RAI14: variants seen among roughly 807,000 people sequenced by gnomAD.
RAI14 encodes retinoic acid induced 14, also known as ankycorbin.
Under a neutral mutation model 115.4 loss-of-function variants are expected in RAI14, and 45 were observed. The ratio of observed to expected loss-of-function variants is 0.39; its 90% CI spans 0.31 to 0.50. RAI14 has a LOEUF of 0.50. Among genes scored for constraint, RAI14 ranks in the 20% least tolerant of loss-of-function variants. The probability of loss-of-function intolerance (pLI) is 0.85; values close to 1 mark genes in which losing one functional copy is unlikely to be tolerated. For synonymous variants in RAI14, 371 were observed against 415.4 expected (o/e 0.89, Z 1.30); for missense variants, 939 against 1,131.2 (o/e 0.83, Z 2.44).
chr5:34,694,470 T>C (rs569169489), intron 2 of RAI14, among the ~76,000 whole-genome samples: 17 of 152,364 alleles, frequency 1.1e-4, no homozygotes, highest in African/African-American at 3.8e-4. Flanking sequence ...GACTTGGCTT[T>C]CTTTTTGTTT....
At chr5:34,682,375 A>G (rs570256779) in intron 1 of RAI14, among the ~76,000 whole-genome samples, 2 of 151,122 alleles carry the variant, frequency 1.3e-5, no homozygotes, top group Admixed American at 6.6e-5. Context: ...CCCCATATCC[A>G]TTGTAAGGGT....
At chr5:34,716,624 G>A (rs1384522461) in intron 2 of RAI14, among the ~76,000 whole-genome samples, 1 of 152,070 alleles carries the variant, frequency 6.6e-6, no homozygotes, top group African/African-American at 2.4e-5. Context: ...TGTTGGTCAG[G>A]TTGGTCTTGA....
intron 1 of RAI14, chr5:34,667,351 C>G (rs1743294909): frequency 2.6e-5 from 4 of 152,268 alleles, no homozygotes; most frequent in Admixed American, 2.6e-4. Context: ...AGTCCTCCCA[C>G]CTTAGCCTCC....
At chr5:34,719,321 G>A (rs1029607483) in intron 2 of RAI14, among the ~76,000 whole-genome samples, 1 of 152,190 alleles carries the variant, frequency 6.6e-6, no homozygotes, top group African/African-American at 2.4e-5. Context: ...AGAGCTAAAC[G>A]GAAACCTCAT....
intron 13 of RAI14, among the ~76,000 whole-genome samples, chr5:34,820,561 G>A (rs866010702): frequency 2.0e-5 from 3 of 152,158 alleles, no homozygotes; most frequent in Non-Finnish European, 4.4e-5. Context: ...GCAGTGAGCC[G>A]AGATCGTGCC....
intron 16 of RAI14, among the ~76,000 whole-genome samples, chr5:34,828,737 A>T (rs1296699073): frequency 6.6e-6 from 1 of 152,142 alleles, no homozygotes; most frequent in Non-Finnish European, 1.5e-5. Flanking sequence ...CACTGAGAGG[A>T]ACTGGAGTAA....
At chr5:34,734,737 C>A (rs1005535770) in intron 2 of RAI14, among the ~76,000 whole-genome samples, 26 of 151,932 alleles carry the variant, frequency 1.7e-4, no homozygotes, top group African/African-American at 5.8e-4. Flanking sequence ...TCTCGGCTCA[C>A]TGCAAGCTCC....
At chr5:34,740,858 G>A (rs889715909) in intron 2 of RAI14, among the ~76,000 whole-genome samples, 2 of 152,190 alleles carry the variant, frequency 1.3e-5, no homozygotes, top group African/African-American at 4.8e-5. Context: ...AGTGTAGGAA[G>A]GCTATAACAA....
At position 34,826,330 on chromosome 5, in the gene RAI14, A is replaced by G. The variant is rs776069910; in HGVS notation, c.2650A>G (p.Ile884Val). Reference protein sequence around the residue: ...SKLEEDKDKKINEMSKEVTKL... With the variant: ...SKLEEDKDKKVNEMSKEVTKL... ...TAATACCATTTTCCTTTGCCCCTAG[A>G]TAAATGAGATGTCGAAGGAAGTCAC... The change falls in exon 16 of 18, where the codon ATA becomes GTA. Residue 884 changes from isoleucine to valine, a missense_variant and splice_region_variant. Transcript: ENST00000265109. The G allele has an allele frequency of 1.9e-6, 3 of 1,613,538 alleles. No individual in the cohort carries two copies. The African/African-American group carries it at 4.0e-5, about 22-fold the overall frequency.
chr5:34,823,412 G>T lies in RAI14; in HGVS notation c.1570G>T (p.Glu524Ter). The T allele has an allele frequency of 6.2e-7, 1 of 1,614,102 alleles. No individual in the cohort carries two copies. The highest frequency in any genetic ancestry group is 8.5e-7 in the Non-Finnish European group (1 of 1,180,026). Residue 524 changes from glutamate to a stop codon, truncating the protein, a stop_gained, in exon 15 of 18, where the codon GAG (glutamate) becomes TAG (stop). Coordinates refer to ENST00000265109, the MANE Select transcript of RAI14 (RefSeq NM_015577.3). LOFTEE classifies it high-confidence loss of function. The surrounding 1 kb of genome is among the most constrained non-coding windows in gnomAD (Gnocchi z 4.5). ...CATGGATAATTATTCACATTTCCAC[G>T]AGCTGAGGGTCACGGAAGAGGAAAT... ...ESMDNYSHFHELRVTEEEINV... is the reference protein window; with the variant it reads ...ESMDNYSHFH
chr5:34,702,062 C>T (rs1740142443), intron 2 of RAI14, among the ~76,000 whole-genome samples: 1 of 152,192 alleles, frequency 6.6e-6, no homozygotes. Context: ...GATTCACCGG[C>T]CTTGGCCTCC....
chr5:34,803,102 C>A (rs770900185), intron 4 of RAI14, among the ~76,000 whole-genome samples: 1 of 152,188 alleles, frequency 6.6e-6, no homozygotes, highest in Non-Finnish European at 1.5e-5. Flanking sequence ...CAGCTGAAAG[C>A]AGAGCTGCTG....
intron 3 of RAI14, among the ~76,000 whole-genome samples, chr5:34,775,178 GA>G (rs1369854227): frequency 3.3e-5 from 5 of 152,074 alleles, no homozygotes; most frequent in Admixed American, 2.0e-4. Flanking sequence ...AAACATCGAG[GA>G]AACTCTGTAG....
intron 12 of RAI14, 26 bp from the exon 13 acceptor site, chr5:34,818,767 GTTCT>G: frequency 6.3e-7 from 1 of 1,575,734 alleles, no homozygotes; most frequent in South Asian, 1.1e-5. Context: ...ATTTAGAAAT[GTTCT>G]TTAAGTCATT....
intron 3 of RAI14, among the ~76,000 whole-genome samples, chr5:34,786,669 G>A (rs145508041): frequency 1.8e-3 from 280 of 152,172 alleles, no homozygotes; most frequent in African/African-American, 6.4e-3. Context: ...GGTGTCCTCC[G>A]CTTGGTTCCA....
chr5:34,664,041 T>C (rs781500444), intron 1 of RAI14, among the ~76,000 whole-genome samples: 2 of 152,150 alleles, frequency 1.3e-5, no homozygotes, highest in Non-Finnish European at 2.9e-5. Flanking sequence ...GGGACACCTT[T>C]GGGAAGTTCT....
At chr5:34,777,737 C>T (rs1751048197) in intron 3 of RAI14, among the ~76,000 whole-genome samples, 1 of 152,160 alleles carries the variant, frequency 6.6e-6, no homozygotes, top group South Asian at 2.1e-4. Flanking sequence ...CGAGATCGTG[C>T]TATTGCACTC....
chr5:34,772,070 G>A lies in RAI14; in HGVS notation c.167+14472G>A, dbSNP rs562321299. Among the ~76,000 whole-genome samples, 15 of 152,100 alleles carry A rather than the reference G, an allele frequency of 9.9e-5. 1 individual carries two copies. In the East Asian group the frequency reaches 2.7e-3, roughly 28 times the overall value. ...ACTATAGGTACGTGGCACCTCACCTGGCTAATTTATTTTTGTACTTTTTGT... is the reference window on the plus strand; with the variant it reads ...ACTATAGGTACGTGGCACCTCACCTAGCTAATTTATTTTTGTACTTTTTGT... On this transcript the variant is annotated intron_variant, in intron 3 of 17. Transcript: ENST00000265109.
At chr5:34,792,600 G>A (rs771466809) in intron 3 of RAI14, among the ~76,000 whole-genome samples, 3 of 152,168 alleles carry the variant, frequency 2.0e-5, no homozygotes, top group Admixed American at 6.5e-5. Context: ...AAGCTTTTGT[G>A]TGACATCAGA....
Sources: gnomAD v4.1 joint callset for allele counts (sites outside exome capture counted in the v4.1 genomes callset) on GRCh38, gnomAD v4.1.1 for gene constraint, Gnocchi (gnomAD v3.1) non-coding constraint, MANE v1.5 for transcripts, NCBI Gene and HGNC (gene_info 2026-07-23, HGNC 2026-07-21) for gene names.